DLG2: variants seen among roughly 807,000 people sequenced by gnomAD.
DLG2 encodes discs large MAGUK scaffold protein 2, also known as disks large homolog 2.
A neutral mutation model predicts 132.5 loss-of-function variants in DLG2; 45 were observed. The observed-to-expected ratio is 0.34, with a 90% CI of 0.27 to 0.44. The LOEUF is 0.44. DLG2 is among the 20% of genes least tolerant of loss of function. DLG2 has a pLI of 1.00. For synonymous variants in DLG2, 424 were observed against 419.6 expected (o/e 1.01, Z -0.13); for missense variants, 1,045 against 1,196.9 (o/e 0.87, Z 1.87).
chr11:83,936,863 G>A (rs986731579), intron 14 of DLG2, among the ~76,000 whole-genome samples: 3 of 152,136 alleles, frequency 2.0e-5, no homozygotes, highest in Non-Finnish European at 4.4e-5. Flanking sequence ...TTGGGTGAGG[G>A]TGTCCAGCTA....
chr11:84,704,874 C>T (rs1444469181), intron 6 of DLG2, among the ~76,000 whole-genome samples: 3 of 148,952 alleles, frequency 2.0e-5, no homozygotes, highest in East Asian at 2.0e-4. Context: ...CACACACACA[C>T]ATATATATAC....
chr11:83,878,741 T>G (rs1416523138), intron 15 of DLG2, among the ~76,000 whole-genome samples: 4 of 152,156 alleles, frequency 2.6e-5, no homozygotes, highest in Non-Finnish European at 4.4e-5. Flanking sequence ...GTGGGTAGAA[T>G]GAGCATGAGG....
At chr11:83,660,920 C>T (rs148404030) in intron 18 of DLG2, among the ~76,000 whole-genome samples, 2 of 152,260 alleles carry the variant, frequency 1.3e-5, no homozygotes, top group East Asian at 3.9e-4. Flanking sequence ...ATAATATCCA[C>T]AACCCTATAT....
intron 19 of DLG2, 98 bp from the exon 20 acceptor site, chr11:83,541,956 T>C (rs2096079576): frequency 1.7e-6 from 2 of 1,191,022 alleles, no homozygotes; most frequent in Non-Finnish European, 2.3e-6. Flanking sequence ...TGAGAACCTA[T>C]CATCACTTGA....
At chr11:85,080,032 T>A (rs2067041875) in intron 6 of DLG2, among the ~76,000 whole-genome samples, 1 of 152,052 alleles carries the variant, frequency 6.6e-6, no homozygotes, top group South Asian at 2.1e-4. Context: ...GGAGGCAAAG[T>A]CCCTTATTTT....
intron 3 of DLG2, among the ~76,000 whole-genome samples, chr11:85,378,960 T>A (rs2085651449): frequency 6.6e-6 from 1 of 152,176 alleles, no homozygotes; most frequent in Non-Finnish European, 1.5e-5. Context: ...TTGCATCCCC[T>A]TTACCAGCAC....
chr11:83,727,530 T>G (rs562160308), intron 18 of DLG2, among the ~76,000 whole-genome samples: 4 of 152,210 alleles, frequency 2.6e-5, no homozygotes, highest in Non-Finnish European at 5.9e-5. Context: ...TCATTATTAC[T>G]TGGCTCCCCT....
intron 7 of DLG2, among the ~76,000 whole-genome samples, chr11:84,392,393 A>G (rs1397125229): frequency 6.6e-6 from 1 of 152,202 alleles, no homozygotes; most frequent in Non-Finnish European, 1.5e-5. Flanking sequence ...TCAGCATTAA[A>G]TACTAGAACC....
chr11:83,867,686 A>G (rs1433187488), intron 16 of DLG2, among the ~76,000 whole-genome samples: 1 of 152,140 alleles, frequency 6.6e-6, no homozygotes, highest in Non-Finnish European at 1.5e-5. Flanking sequence ...ACAAGAATCA[A>G]TGGTTTGTTT....
chr11:85,496,820 C>A, intron 3 of DLG2, among the ~76,000 whole-genome samples: 1 of 152,176 alleles, frequency 6.6e-6, no homozygotes, highest in East Asian at 1.9e-4. Flanking sequence ...CTCCAACAGA[C>A]CTGCAGCTGA....
chr11:84,298,920 T>G (rs533371827), intron 7 of DLG2, among the ~76,000 whole-genome samples: 1 of 152,322 alleles, frequency 6.6e-6, no homozygotes, highest in African/African-American at 2.4e-5. Flanking sequence ...TGGGGCCAAA[T>G]TGAAGACAAC....
chr11:83,641,076 C>T (rs77659502), intron 18 of DLG2, among the ~76,000 whole-genome samples: 3,212 of 152,248 alleles, frequency 0.021, 123 homozygotes, highest in African/African-American at 0.074. Context: ...TATTTCCATC[C>T]TTTTAAGCAG....
At chr11:84,459,222 T>C (rs867558834) in intron 7 of DLG2, among the ~76,000 whole-genome samples, 1 of 150,724 alleles carries the variant, frequency 6.6e-6, no homozygotes, top group Non-Finnish European at 1.5e-5. Context: ...TTACCATACA[T>C]ACTAAGCTCT....
chr11:83,698,792 T>C (rs1370643024), intron 18 of DLG2, among the ~76,000 whole-genome samples: 1 of 152,106 alleles, frequency 6.6e-6, no homozygotes, highest in East Asian at 1.9e-4. Flanking sequence ...TCCTATGTTA[T>C]CTCTTCCACA....
chr11:85,282,249 G>C (rs2078278271), intron 4 of DLG2, among the ~76,000 whole-genome samples: 1 of 151,656 alleles, frequency 6.6e-6, no homozygotes, highest in African/African-American at 2.4e-5. Context: ...ATGGATAATG[G>C]GTACAAAAAT....
intron 6 of DLG2, among the ~76,000 whole-genome samples, chr11:85,038,873 A>G (rs1269937352): frequency 6.6e-6 from 1 of 152,006 alleles, no homozygotes; most frequent in Non-Finnish European, 1.5e-5. Context: ...AAGTTCAAAC[A>G]TCAGAGCTTT....
chr11:84,076,651 A>C (rs1251905560), intron 10 of DLG2, among the ~76,000 whole-genome samples: 1 of 152,136 alleles, frequency 6.6e-6, no homozygotes, highest in Non-Finnish European at 1.5e-5. Flanking sequence ...CCCAACCCTG[A>C]CTGAACCCAA....
intron 6 of DLG2, among the ~76,000 whole-genome samples, chr11:84,958,716 ATC>A (rs2052068142): frequency 6.6e-6 from 1 of 152,148 alleles, no homozygotes; most frequent in African/African-American, 2.4e-5. Flanking sequence ...TCGCTGTCCA[ATC>A]CAAGCATCAT....
At chr11:84,791,263 G>A (rs2073808035) in intron 6 of DLG2, among the ~76,000 whole-genome samples, 2 of 152,096 alleles carry the variant, frequency 1.3e-5, no homozygotes, top group Non-Finnish European at 1.5e-5. Flanking sequence ...TTTGAGATAA[G>A]ATTTGGCTGA....
Sources: gnomAD v4.1 joint callset for allele counts (sites outside exome capture counted in the v4.1 genomes callset) on GRCh38, gnomAD v4.1.1 for gene constraint, MANE v1.5 for transcripts, NCBI Gene and HGNC (gene_info 2026-07-23, HGNC 2026-07-21) for gene names.